The following MAP7D3 variants were observed in gnomAD, a reference collection of about 807,000 sequenced individuals.
MAP7D3 encodes MAP7 domain containing 3.
A neutral mutation model predicts 62.2 loss-of-function variants in MAP7D3; 45 were observed. The ratio of observed to expected loss-of-function variants is 0.72; its 90% CI spans 0.57 to 0.93. MAP7D3 has a LOEUF of 0.93. Among genes scored for constraint, MAP7D3 ranks in the 40% least tolerant of loss-of-function variants. The pLI, the probability that MAP7D3 is intolerant of heterozygous loss-of-function variation, is 0.00. For synonymous variants in MAP7D3, 288 were observed against 248.8 expected (o/e 1.16, Z -1.48); for missense variants, 711 against 683.1 (o/e 1.04, Z -0.45).
intron 7 of MAP7D3, among the ~76,000 whole-genome samples, chrX:136,233,900 G>T (rs1200335457): frequency 1.8e-5 from 2 of 111,364 alleles, no homozygotes; most frequent in Admixed American, 9.6e-5. Context: ...AGTATGACTG[G>T]ATTTGTATTA....
At chrX:136,247,571 T>C (rs1284059047) in intron 1 of MAP7D3, among the ~76,000 whole-genome samples, 1 of 102,999 alleles carries the variant, frequency 9.7e-6, no homozygotes, top group Non-Finnish European at 2.0e-5. Flanking sequence ...ACATCACAAT[T>C]GCTGCCGTAA....
rs2074068935 is a variant in MAP7D3 at position 136,216,910 on chromosome X, CTT to C, written c.*1614_*1615del. 1 of 112,198 alleles carries C rather than the reference CTT, an allele frequency of 8.9e-6. No homozygotes were observed. The highest frequency in any genetic ancestry group is 3.2e-5 in the African/African-American group (1 of 30,838). 9.2% of individuals were successfully genotyped at this position (112,198 alleles called of 1,213,427 possible). On this transcript the variant is annotated 3_prime_UTR_variant, in exon 19 of 19. Transcript: ENST00000316077. ...TTTGTGCAGAAAAATAACAGGAACT[CTT>C]TTGTTAGGATGATTGTCTCTGTTTT...
In MAP7D3 at chrX:136,251,298, C is replaced by A. The variant is rs2074506648; in HGVS notation, c.61G>T (p.Ala21Ser). 1 of 1,131,138 alleles carries A rather than the reference C, an allele frequency of 8.8e-7. No homozygotes were observed. Among genetic ancestry groups the A allele is most frequent in the Admixed American group, 2.7e-5 (1 of 36,673 alleles). The allele number at this position is 1,131,138 out of a possible 1,213,427, so 93.2% of individuals were successfully genotyped here. A position where few individuals can be genotyped will look rare whatever the true frequency, so the allele number is the denominator to read the frequency against. The part of the protein sequence containing the change: ...GGSPSLRELR[A>S]RMVAAANEIA... ...CCACCCGCCCGCTCACCCATCCGTG[C>A]CCGCAGCTCTCTCAAGGATGGGCTG... The change falls in exon 1 of 19, where the codon GCA (alanine) becomes TCA (serine). Residue 21 changes from alanine to serine, a missense_variant. Ala to Ser is a moderately conservative substitution (Grantham distance 99, BLOSUM62 1). Coordinates refer to ENST00000316077, the MANE Select transcript of MAP7D3 (RefSeq NM_024597.4).
chrX:136,214,930 A>G (rs2074052043), downstream of MAP7D3: 1 of 111,999 alleles, frequency 8.9e-6, no homozygotes, highest in African/African-American at 3.2e-5. Context: ...AGACAGTTTC[A>G]ATGGATGGAT....
In MAP7D3 at chrX:136,218,063, A is replaced by AAAAAAG. The variant is rs1224254203; in HGVS notation, c.*457_*462dup. The AAAAAAG allele has an allele frequency of 2.7e-5, 3 of 110,625 alleles. No individual in the cohort carries two copies. Among genetic ancestry groups the AAAAAAG allele is most frequent in the East Asian group, 2.8e-4 (1 of 3,552 alleles). 9.1% of individuals were successfully genotyped at this position (110,625 alleles called of 1,213,427 possible). On this transcript the variant is annotated 3_prime_UTR_variant, in exon 19 of 19. Transcript: ENST00000316077. Reference sequence around the variant, plus strand: ...GGGCAAGACTCCGTCTCAAAAAAAAAAAAAAGAAAAAGAAAAAGAAAAAGC... The same window carrying AAAAAAG: ...GGGCAAGACTCCGTCTCAAAAAAAAAAAAAAGAAAAAGAAAAAGAAAAAGAAAAAGC...
At position 136,232,232 on chromosome X, in the gene MAP7D3, C is replaced by T. The variant is rs749195151; in HGVS notation, c.737-12G>A. On this transcript the variant is annotated splice_polypyrimidine_tract_variant and intron_variant, in intron 7 of 18. Coordinates refer to ENST00000316077, the MANE Select transcript of MAP7D3 (RefSeq NM_024597.4). ...GGTGACGCCTGTAACTGAATGAGGA[C>T]AGAGCATGAAATTCCCTAAGTTAGA... The T allele has an allele frequency of 1.4e-5, 16 of 1,139,630 alleles. No homozygotes were observed. Among genetic ancestry groups the T allele is most frequent in the Non-Finnish European group, 1.9e-5 (16 of 839,853 alleles). 93.9% of individuals were successfully genotyped at this position (1,139,630 alleles called of 1,213,427 possible).
chrX:136,254,869 T>C (rs750067619), upstream of MAP7D3, among the ~76,000 whole-genome samples: 3 of 110,349 alleles, frequency 2.7e-5, no homozygotes, highest in South Asian at 1.1e-3. Flanking sequence ...TTTTAAATGA[T>C]GACATTAAAA....
At chrX:136,238,762 T>G (rs1310629709) in intron 6 of MAP7D3, among the ~76,000 whole-genome samples, 2 of 111,821 alleles carry the variant, frequency 1.8e-5, no homozygotes, top group Non-Finnish European at 3.8e-5. Flanking sequence ...TAACATAATG[T>G]AAGTTGGAAC....
rs763979825 is a variant in MAP7D3 at position 136,222,294 on chromosome X, A to G, written c.2287+99T>C. On this transcript the variant is annotated intron_variant, in intron 15 of 18. Transcript: ENST00000316077. ...CTTTTTCAGATGGGAAAAACTCAGCACAGAAAGGTTAAGTGACCTGCCCAA... is the reference window on the plus strand; with the variant it reads ...CTTTTTCAGATGGGAAAAACTCAGCGCAGAAAGGTTAAGTGACCTGCCCAA... 96 of 581,321 alleles carry G rather than the reference A, an allele frequency of 1.7e-4. No homozygotes were observed. The South Asian group carries it at 3.1e-3, about 19-fold the overall frequency. The allele number at this position is 581,321 out of a possible 1,213,427, so 47.9% of individuals were successfully genotyped here.
intron 4 of MAP7D3, 47 bp downstream of exon 4, chrX:136,244,585 A>T (rs2074426397): frequency 8.9e-7 from 1 of 1,128,175 alleles, no homozygotes. Context: ...TTCTAGACTC[A>T]GGCAACACAG....
chrX:136,231,480 G>T, intron 8 of MAP7D3, 64 bp downstream of exon 8: 1 of 953,037 alleles, frequency 1.0e-6, no homozygotes, highest in Non-Finnish European at 1.5e-6. Flanking sequence ...GACCTATCGT[G>T]AACTATACAA....
At chrX:136,251,432 C>A (rs2074510668), upstream of MAP7D3, 2 of 727,274 alleles carry the variant, frequency 2.7e-6, no homozygotes, top group South Asian at 5.3e-5. Context: ...CCGCTTGGGT[C>A]GTGGCCGGGC....
At chrX:136,245,249 C>T (rs1199331211) in intron 3 of MAP7D3, among the ~76,000 whole-genome samples, 1 of 111,473 alleles carries the variant, frequency 9.0e-6, no homozygotes, top group Non-Finnish European at 1.9e-5. Flanking sequence ...ATTAAACATG[C>T]CAGTTTTACA....
At position 136,231,797 on chromosome X, in the gene MAP7D3, T is replaced by C. The variant is rs775833055; in HGVS notation, c.1160A>G (p.Glu387Gly). ...VPKVSIVASP[E>G]ASLEAPPEVS... ...TTCCGGGGGTGCTTCCAGGCTCGCC[T>C]CCGGGGATGCTACTATGCTCACCTT... The change falls in exon 8 of 19, where the codon GAG (glutamate) becomes GGG (glycine). Residue 387 changes from glutamate to glycine, a missense_variant. By Grantham distance (98) the Glu-to-Gly change is moderately conservative. Coordinates refer to ENST00000316077, the MANE Select transcript of MAP7D3 (RefSeq NM_024597.4). 5 of 1,211,456 alleles carry C rather than the reference T, an allele frequency of 4.1e-6. No individual in the cohort carries two copies. Among genetic ancestry groups the C allele is most frequent in the South Asian group, 1.8e-5 (1 of 56,948 alleles).
intron 8 of MAP7D3, 115 bp from the exon 9 acceptor site, chrX:136,231,081 T>C: frequency 1.9e-6 from 1 of 513,826 alleles, no homozygotes; most frequent in Non-Finnish European, 3.0e-6. Flanking sequence ...ATTAGAATTC[T>C]TTAAACTGCA....
intron 7 of MAP7D3, among the ~76,000 whole-genome samples, chrX:136,236,024 A>G (rs2074325609): frequency 8.9e-6 from 1 of 112,396 alleles, no homozygotes; most frequent in Non-Finnish European, 1.9e-5. Context: ...CAGCTGCATT[A>G]TCCACCCCTT....
Position 136,230,842 on chromosome X carries a change from G to A in MAP7D3, c.1538C>T (p.Thr513Ile). 8.3e-7 allele frequency: 1 copy of A among 1,206,774 alleles called. No homozygotes were observed. The highest frequency in any genetic ancestry group is 1.1e-6 in the Non-Finnish European group (1 of 893,217). Residue 513 changes from threonine (T) to isoleucine (I), a missense_variant, in exon 9 of 19, where the codon ACT becomes ATT. Coordinates refer to ENST00000316077, the MANE Select transcript of MAP7D3 (RefSeq NM_024597.4). ...NACGLPSPIS[T>I]NRQIQKNCPP... ...CAGTTGCGAATAAGCTGCTTACTTAGTGCTGATGGGAGACGGCAGACCACA... is the reference window on the plus strand; with the variant it reads ...CAGTTGCGAATAAGCTGCTTACTTAATGCTGATGGGAGACGGCAGACCACA...
At chrX:136,254,773 C>T (rs1311391860), upstream of MAP7D3, among the ~76,000 whole-genome samples, 1 of 111,854 alleles carries the variant, frequency 8.9e-6, no homozygotes, top group East Asian at 2.8e-4. Flanking sequence ...CCCATGGTCG[C>T]TGAGTGGGCA....
intron 8 of MAP7D3, chrX:136,231,237 C>T (rs2074263929): frequency 3.0e-6 from 1 of 330,559 alleles, no homozygotes; most frequent in Non-Finnish European, 5.2e-6. Flanking sequence ...CAAATCCTAA[C>T]TCAGGGTTTA....
Sources: gnomAD v4.1 joint callset for allele counts (sites outside exome capture counted in the v4.1 genomes callset) on GRCh38, gnomAD v4.1.1 for gene constraint, MANE v1.5 for transcripts, NCBI Gene and HGNC (gene_info 2026-07-23, HGNC 2026-07-21) for gene names.